The following ADGRL1 variants were observed in gnomAD, a reference collection of about 807,000 sequenced individuals.
ADGRL1 encodes the protein CIRL-1.
Under a neutral mutation model 148.9 loss-of-function variants are expected in ADGRL1, and 31 were observed. That is an observed-to-expected ratio of 0.21 (90% CI 0.16 to 0.28). The LOEUF (loss-of-function observed/expected upper bound fraction) is 0.28, where lower values mean the gene tolerates loss of function less well. ADGRL1 is among the 10% of genes least tolerant of loss of function. The probability of loss-of-function intolerance (pLI) is 1.00; values close to 1 mark genes in which losing one functional copy is unlikely to be tolerated. For missense variants in ADGRL1, 1,521 were observed against 2,058.8 expected, an observed-to-expected ratio of 0.74 and a Z score of 5.05; for synonymous variants, 937 against 900.3, an observed-to-expected ratio of 1.04 and a Z score of -0.73.
At chr19:14,184,655 T>C (rs1185014086) in intron 1 of ADGRL1, among the ~76,000 whole-genome samples, 3 of 148,262 alleles carry the variant, frequency 2.0e-5, no homozygotes, top group African/African-American at 7.6e-5. Context: ...TATTTTTTTT[T>C]CTGAGACGGA....
chr19:14,192,303 C>T (rs1430517131), intron 1 of ADGRL1, among the ~76,000 whole-genome samples: 15 of 150,482 alleles, frequency 1.0e-4, no homozygotes, highest in Non-Finnish European at 1.6e-4. Flanking sequence ...TGCAGTGGCG[C>T]GATCTCGGCT....
chr19:14,195,989 G>T (rs1346543974), intron 1 of ADGRL1, among the ~76,000 whole-genome samples: 1 of 151,972 alleles, frequency 6.6e-6, no homozygotes, highest in Non-Finnish European at 1.5e-5. Context: ...ATCACATCCA[G>T]CCCCGTCAGG....
chr19:14,151,771 T>G (rs1457524055), intron 22 of ADGRL1, among the ~76,000 whole-genome samples, 156 bp from the exon 23 acceptor site: 1 of 152,062 alleles, frequency 6.6e-6, no homozygotes, highest in African/African-American at 2.4e-5. Flanking sequence ...TCACATTCCC[T>G]TTCTCCCTCA....
intron 11 of ADGRL1, 104 bp downstream of exon 11, chr19:14,158,986 G>A (rs997247337): frequency 3.6e-6 from 5 of 1,407,714 alleles, no homozygotes; most frequent in Non-Finnish European, 4.9e-6. Context: ...ATGAGAAAAG[G>A]TCAGCACCGC....
chr19:14,150,507 A>G lies in ADGRL1; in HGVS notation c.*366T>C, dbSNP rs1007787326. 4.6e-6 allele frequency: 1 copy of G among 216,696 alleles called. No homozygotes were observed. The highest frequency in any genetic ancestry group is 2.3e-5 in the African/African-American group (1 of 43,450). 13.4% of individuals were successfully genotyped at this position (216,696 alleles called of 1,614,324 possible). ...CCTCAGAAGCTGCCCCTCCCTGCCCAGGAAACTAAAGCCCTCATTTCCCTT... is the reference window on the plus strand; with the variant it reads ...CCTCAGAAGCTGCCCCTCCCTGCCCGGGAAACTAAAGCCCTCATTTCCCTT... On this transcript the variant is annotated 3_prime_UTR_variant, in exon 23 of 23. Transcript: ENST00000361434.
chr19:14,173,082 C>T (rs1165632986), intron 3 of ADGRL1, among the ~76,000 whole-genome samples: 4 of 152,074 alleles, frequency 2.6e-5, no homozygotes, highest in Non-Finnish European at 5.9e-5. Context: ...GCCTCTGCCT[C>T]CCAAGGAGCT....
chr19:14,190,210 C>T (rs1971842129), intron 1 of ADGRL1, among the ~76,000 whole-genome samples: 1 of 152,104 alleles, frequency 6.6e-6, no homozygotes, highest in Admixed American at 6.5e-5. Flanking sequence ...TAGGTATGAG[C>T]CGCCACACCT....
chr19:14,152,239 C>T lies in ADGRL1; in HGVS notation c.3649+70G>A, dbSNP rs1968277960. ...GCTCCAGTTCTGGGGCACAGAACAT[C>T]CCATGCAGAGGTCCCTTGGGACACA... On this transcript the variant is annotated intron_variant, in intron 21 of 22. Coordinates refer to ENST00000361434, the MANE Select transcript of ADGRL1 (RefSeq NM_014921.5). This position sits in a 1 kb window ranked among gnomAD's most constrained non-coding sequence, Gnocchi z 6.1. 1 of 1,613,780 alleles carries T rather than the reference C, an allele frequency of 6.2e-7. No individual in the cohort carries two copies. Among genetic ancestry groups the T allele is most frequent in the Non-Finnish European group, 8.5e-7 (1 of 1,179,804 alleles).
chr19:14,179,177 C>T (rs1411104599), intron 2 of ADGRL1, among the ~76,000 whole-genome samples: 1 of 150,718 alleles, frequency 6.6e-6, no homozygotes, highest in Non-Finnish European at 1.5e-5. Context: ...GAGTGACATT[C>T]CATCTCAAAA....
In ADGRL1 at chr19:14,161,276, C is replaced by T. The variant is rs201870577; in HGVS notation, c.1510+36G>A. On this transcript the variant is annotated intron_variant, in intron 6 of 22. Transcript: ENST00000361434. The surrounding 1 kb of genome is among the most constrained non-coding windows in gnomAD (Gnocchi z 4.4). ...TGTGCTAAGCTGCTGGGGGCATGGC[C>T]CCCATCCCTCCCCTGGCTGCAGCCT... is the stretch of plus-strand genomic sequence containing the variant. 137 of 1,511,678 alleles carry T rather than the reference C, an allele frequency of 9.1e-5. No individual in the cohort carries two copies. The African/African-American group carries it at 1.7e-3, about 19-fold the overall frequency. 93.6% of individuals were successfully genotyped at this position (1,511,678 alleles called of 1,614,324 possible).
Position 14,157,562 on chromosome 19 carries a change from G to C in ADGRL1, c.2536-102C>G. The C allele has an allele frequency of 8.3e-7, 1 of 1,207,382 alleles. No individual in the cohort carries two copies. Among genetic ancestry groups the C allele is most frequent in the Non-Finnish European group, 1.2e-6 (1 of 838,412 alleles). 74.8% of individuals were successfully genotyped at this position (1,207,382 alleles called of 1,614,324 possible). On this transcript the variant is annotated intron_variant, in intron 13 of 22. Transcript: ENST00000361434. This position sits in a 1 kb window ranked among gnomAD's most constrained non-coding sequence, Gnocchi z 7.5. Reference sequence around the variant, plus strand: ...AGGGCCCTGGGCAAGGCCATGGGCCGTGAGGACCTCTGGTGCCGCCAACCT... The same window carrying C: ...AGGGCCCTGGGCAAGGCCATGGGCCCTGAGGACCTCTGGTGCCGCCAACCT...
Position 14,159,432 on chromosome 19 carries a change from A to G in ADGRL1, c.1992T>C (p.Pro664=). The G allele has an allele frequency of 1.2e-6, 2 of 1,612,238 alleles. No individual in the cohort carries two copies. The highest frequency in any genetic ancestry group is 1.1e-5 in the South Asian group (1 of 90,930). The change falls in exon 10 of 23, where the codon CCT becomes CCC. Residue 664 remains proline (P), a synonymous_variant. Coordinates refer to ENST00000361434, the MANE Select transcript of ADGRL1 (RefSeq NM_014921.5). This position sits in a 1 kb window ranked among gnomAD's most constrained non-coding sequence, Gnocchi z 6.0. The part of the protein sequence containing the change: ...AFLLADNVRE[P]ARFLAAKENV... ...TCTCCTTGGCAGCCAGGAAGCGGGCAGGCTCCCTGACATTGTCGGCCAGCA... is the reference window on the plus strand; with the variant it reads ...TCTCCTTGGCAGCCAGGAAGCGGGCGGGCTCCCTGACATTGTCGGCCAGCA...
At chr19:14,169,109 T>G (rs1970249702) in intron 4 of ADGRL1, 1 of 152,264 alleles carries the variant, frequency 6.6e-6, no homozygotes, top group African/African-American at 2.4e-5. Context: ...TAAAGGGCAT[T>G]GGTAATATTA....
In ADGRL1 at chr19:14,154,172, T is replaced by C. The variant is rs373484223; in HGVS notation, c.3294+1187A>G. On this transcript the variant is annotated intron_variant, in intron 18 of 22. Coordinates refer to ENST00000361434, the MANE Select transcript of ADGRL1 (RefSeq NM_014921.5). ...TGTGAGGTGGGGGCTGTGAAAACAC[T>C]GCCTTTGACCGTGTGTCCAAGGAGG... Among the ~76,000 whole-genome samples the C allele has an allele frequency of 8.2e-4, 125 of 152,116 alleles. 1 individual carries two copies. The highest frequency in any genetic ancestry group is 2.8e-3 in the African/African-American group (118 of 41,498).
intron 3 of ADGRL1, among the ~76,000 whole-genome samples, chr19:14,173,673 G>A (rs1046580579): frequency 9.9e-5 from 15 of 152,156 alleles, no homozygotes; most frequent in Non-Finnish European, 1.9e-4. Context: ...TAGGCTGGGC[G>A]CAGTGGCTCA....
chr19:14,197,748 G>A (rs1232254053), intron 1 of ADGRL1, among the ~76,000 whole-genome samples: 1 of 152,170 alleles, frequency 6.6e-6, no homozygotes, highest in Non-Finnish European at 1.5e-5. Flanking sequence ...ACCATCGAGG[G>A]ACTCTGACGG....
At chr19:14,184,425 CATT>C (rs746490974) in intron 1 of ADGRL1, among the ~76,000 whole-genome samples, 3 of 150,096 alleles carry the variant, frequency 2.0e-5, no homozygotes, top group African/African-American at 7.3e-5. Context: ...TTTTTTTTTT[CATT>C]ATTATTATTT....
Position 14,159,980 on chromosome 19 carries a change from G to A in ADGRL1, c.1800+132C>T, listed in dbSNP as rs960033116. The A allele has an allele frequency of 1.7e-5, 18 of 1,074,258 alleles. No homozygotes were observed. The highest frequency in any genetic ancestry group is 2.8e-4 in the Middle Eastern group (1 of 3,586). The allele number at this position is 1,074,258 out of a possible 1,614,324, so 66.5% of individuals were successfully genotyped here. ...GACCCGGCAGTCCTTGGCGGAGAGG[G>A]GGGGGTCCTTCCTCTCTGAGGAAAG... is the stretch of plus-strand genomic sequence containing the variant. On this transcript the variant is annotated intron_variant, in intron 8 of 22. Coordinates refer to ENST00000361434, the MANE Select transcript of ADGRL1 (RefSeq NM_014921.5). This position sits in a 1 kb window ranked among gnomAD's most constrained non-coding sequence, Gnocchi z 6.0.
At chr19:14,163,467 A>G (rs780393923) in intron 4 of ADGRL1, 61 bp from the exon 5 acceptor site, 1,067 of 176,560 alleles carry the variant, frequency 6.0e-3, no homozygotes, top group Admixed American at 7.1e-3. Context: ...GAGAGGGAGG[A>G]GAGAGAGAGA....
Sources: allele counts gnomAD v4.1 joint callset (sites outside exome capture counted in the v4.1 genomes callset), GRCh38; gene constraint gnomAD v4.1.1; non-coding constraint Gnocchi (gnomAD v3.1); transcripts MANE v1.5; gene names NCBI Gene and HGNC (gene_info 2026-07-23, HGNC 2026-07-21).